Variants in MECOM observed in about 807,000 individuals in gnomAD.
MECOM encodes the protein histone-lysine N-methyltransferase MECOM.
MECOM carries 13 observed loss-of-function variants against 116.3 expected under a neutral mutation model. The observed-to-expected ratio is 0.11, with a 90% CI of 0.07 to 0.18. The LOEUF is 0.18. MECOM is among the 10% of genes least tolerant of loss of function. The probability of loss-of-function intolerance (pLI) is 1.00; values close to 1 mark genes in which losing one functional copy is unlikely to be tolerated. For synonymous variants in MECOM, 528 were observed against 535.2 expected (o/e 0.99, Z 0.19); for missense variants, 1,299 against 1,509.0 (o/e 0.86, Z 2.31).
At chr3:169,448,622 G>A (rs1421624019) in intron 1 of MECOM, among the ~76,000 whole-genome samples, 1 of 152,120 alleles carries the variant, frequency 6.6e-6, no homozygotes, top group Admixed American at 6.5e-5. Context: ...GTGCATGTGA[G>A]ACCCCTGGCC....
At chr3:169,350,694 T>C (rs1004309713) in intron 2 of MECOM, among the ~76,000 whole-genome samples, 2 of 151,996 alleles carry the variant, frequency 1.3e-5, no homozygotes, top group African/African-American at 4.8e-5. Context: ...ACCTTTTTTT[T>C]ACTTTTTATA....
At chr3:169,625,345 G>T (rs147782216) in intron 1 of MECOM, among the ~76,000 whole-genome samples, 1,744 of 152,038 alleles carry the variant, frequency 0.011, 40 homozygotes, top group African/African-American at 0.04. Flanking sequence ...CACCTATTTA[G>T]CTCCCTCTTC....
intron 2 of MECOM, among the ~76,000 whole-genome samples, chr3:169,221,189 A>G (rs563397260): frequency 6.6e-6 from 1 of 152,362 alleles, no homozygotes; most frequent in South Asian, 2.1e-4. Flanking sequence ...TAATCCTTAC[A>G]TAGAATTTAG....
chr3:169,252,378 A>G (rs1004762294), intron 2 of MECOM, among the ~76,000 whole-genome samples: 1 of 151,984 alleles, frequency 6.6e-6, no homozygotes, highest in African/African-American at 2.4e-5. Context: ...AGAAGAACAG[A>G]AAGTGTGTTC....
At position 169,084,750 on chromosome 3, in the gene MECOM, C is replaced by T; in HGVS notation, c.*159G>A. Reference sequence around the variant, plus strand: ...AGAATAAATAGTTTCTTTTTTCTTTCTTTTCTTTTTTAAATCATTCAGTTT... The same window carrying T: ...AGAATAAATAGTTTCTTTTTTCTTTTTTTTCTTTTTTAAATCATTCAGTTT... On this transcript the variant is annotated 3_prime_UTR_variant, in exon 17 of 17. Transcript: ENST00000651503. The T allele has an allele frequency of 2.7e-6, 2 of 735,366 alleles. No individual in the cohort carries two copies. Among genetic ancestry groups the T allele is most frequent in the Middle Eastern group, 4.2e-4 (1 of 2,400 alleles). The allele number at this position is 735,366 out of a possible 1,614,324, so 45.6% of individuals were successfully genotyped here.
chr3:169,372,899 C>T (rs139812522), intron 2 of MECOM, among the ~76,000 whole-genome samples: 1 of 152,098 alleles, frequency 6.6e-6, no homozygotes, highest in East Asian at 1.9e-4. Flanking sequence ...GGACTTGAGA[C>T]CAGGAAGTCT....
chr3:169,241,962 A>G (rs1355196051), intron 2 of MECOM, among the ~76,000 whole-genome samples: 2 of 152,228 alleles, frequency 1.3e-5, no homozygotes, highest in Non-Finnish European at 2.9e-5. Context: ...TGTAAAAAGT[A>G]TTAGTGCTGA....
intron 1 of MECOM, among the ~76,000 whole-genome samples, chr3:169,507,780 G>C (rs1439438168): frequency 1.4e-5 from 2 of 145,504 alleles, no homozygotes; most frequent in Non-Finnish European, 3.0e-5. Flanking sequence ...TCCTGCCTCA[G>C]CCTCCCGAGT....
rs530361473 is a variant in MECOM, at chr3:169,262,522, G to A, written c.375+118665C>T. ...TGCTTGCCCTGATAGAGAGTCGTGGGACGGAATTTGACCAATGAAATGTAG... is the reference window on the plus strand; with the variant it reads ...TGCTTGCCCTGATAGAGAGTCGTGGAACGGAATTTGACCAATGAAATGTAG... On this transcript the variant is annotated intron_variant, in intron 2 of 16. Transcript: ENST00000651503. Among the ~76,000 whole-genome samples the A allele has an allele frequency of 3.3e-5, 5 of 152,130 alleles. No individual in the cohort carries two copies. In the South Asian group the frequency reaches 1.0e-3, roughly 32 times the overall value.
At chr3:169,390,564 C>T (rs550842859) in intron 1 of MECOM, among the ~76,000 whole-genome samples, 20 of 152,196 alleles carry the variant, frequency 1.3e-4, no homozygotes, top group African/African-American at 4.6e-4. Context: ...ACCGGATTTA[C>T]TTCCTTTAAA....
chr3:169,090,702 T>C (rs1719434359), intron 14 of MECOM, among the ~76,000 whole-genome samples: 1 of 151,908 alleles, frequency 6.6e-6, no homozygotes, highest in East Asian at 1.9e-4. Context: ...AAAGACAATG[T>C]TAAAGTAGTT....
Position 169,576,838 on chromosome 3 carries a change from C to CAGAGAGAGAGAG in MECOM, c.37+86486_37+86497dup, listed in dbSNP as rs59983835. ...ACACACACACACACACACACACACACAGAGAGAGAGAGAGAGAGTTAAGAG... is the reference window on the plus strand; with the variant it reads ...ACACACACACACACACACACACACACAGAGAGAGAGAGAGAGAGAGAGAGAGAGAGTTAAGAG... On this transcript the variant is annotated intron_variant, in intron 1 of 16. Coordinates refer to ENST00000651503, the MANE Select transcript of MECOM (RefSeq NM_004991.4). 2.6e-3 allele frequency among the ~76,000 whole-genome samples: 326 copies of CAGAGAGAGAGAG among 125,090 alleles called. 1 individual carries two copies. Among genetic ancestry groups the CAGAGAGAGAGAG allele is most frequent in the East Asian group, 6.2e-3 (23 of 3,722 alleles). The allele number at this position is 125,090 out of a possible 152,430, so 82.1% of individuals were successfully genotyped here.
intron 2 of MECOM, among the ~76,000 whole-genome samples, chr3:169,200,768 C>T (rs1418758035): frequency 6.6e-6 from 1 of 152,086 alleles, no homozygotes; most frequent in African/African-American, 2.4e-5. Context: ...GACTGAGCTT[C>T]TCTGCCCAGG....
At chr3:169,238,188 A>AG (rs911021031) in intron 2 of MECOM, among the ~76,000 whole-genome samples, 1 of 151,576 alleles carries the variant, frequency 6.6e-6, no homozygotes, top group African/African-American at 2.4e-5. Context: ...AAAAAAAAAA[A>AG]AAGAAAAAAG....
At chr3:169,456,257 C>T (rs1346451333) in intron 1 of MECOM, among the ~76,000 whole-genome samples, 2 of 152,134 alleles carry the variant, frequency 1.3e-5, no homozygotes, top group Non-Finnish European at 2.9e-5. Context: ...TTAAATAACA[C>T]CCAAATTCTA....
intron 1 of MECOM, among the ~76,000 whole-genome samples, chr3:169,406,089 A>G (rs899970609): frequency 6.6e-6 from 1 of 152,194 alleles, no homozygotes; most frequent in African/African-American, 2.4e-5. Context: ...ATGATATCTC[A>G]TACATACACT....
Position 169,115,917 on chromosome 3 carries a change from G to C in MECOM, c.1955C>G (p.Thr652Ser). 1 of 1,614,054 alleles carries C rather than the reference G, an allele frequency of 6.2e-7. No individual in the cohort carries two copies. The highest frequency in any genetic ancestry group is 8.5e-7 in the Non-Finnish European group (1 of 1,180,022). ...SIFSPSLEEQTAVSGAVNDSI... is the reference protein window; with the variant it reads ...SIFSPSLEEQSAVSGAVNDSI... Reference sequence around the variant, plus strand: ...ATCATTCACAGCTCCTGACACCGCAGTCTGCTCCTCTAAAGATGGTGAGAA... The same window carrying C: ...ATCATTCACAGCTCCTGACACCGCACTCTGCTCCTCTAAAGATGGTGAGAA... Residue 652 changes from threonine (T) to serine (S), a missense_variant, in exon 8 of 17, where the codon ACT becomes AGT. By Grantham distance (58) the Thr-to-Ser change is moderately conservative. This residue lies in a region of MECOM where 238 missense variants were observed against 273.1 expected (regional missense o/e 0.87). Transcript: ENST00000651503.
chr3:169,433,895 T>C (rs979237776), intron 1 of MECOM, among the ~76,000 whole-genome samples: 11 of 152,230 alleles, frequency 7.2e-5, no homozygotes, highest in Admixed American at 6.5e-4. Context: ...GAAGCACCTA[T>C]CTAGAGAAAA....
intron 1 of MECOM, among the ~76,000 whole-genome samples, chr3:169,460,950 T>A (rs555978467): frequency 1.3e-5 from 2 of 152,314 alleles, no homozygotes; most frequent in South Asian, 4.1e-4. Context: ...GGCCAGGGCC[T>A]TTTTGGAAAA....
Sources: gnomAD v4.1 joint callset for allele counts (sites outside exome capture counted in the v4.1 genomes callset) on GRCh38, gnomAD v4.1.1 for gene constraint, gnomAD v4.1.1 regional missense constraint, MANE v1.5 for transcripts, NCBI Gene and HGNC (gene_info 2026-07-23, HGNC 2026-07-21) for gene names.